Variants in PHF14 observed in about 807,000 individuals in gnomAD.
PHF14 encodes the protein PHD finger protein 14.
Under a neutral mutation model 117.9 loss-of-function variants are expected in PHF14, and 55 were observed. That is an observed-to-expected ratio of 0.47 (90% CI 0.38 to 0.58). PHF14 has a LOEUF of 0.58. Ranked by LOEUF, PHF14 falls within the 20% of genes least tolerant of loss-of-function variation. PHF14 has a pLI of 0.00. For synonymous variants in PHF14, 409 were observed against 368.6 expected (o/e 1.11, Z -1.26); for missense variants, 978 against 1,122.2 (o/e 0.87, Z 1.84).
intron 16 of PHF14, among the ~76,000 whole-genome samples, chr7:11,084,920 T>C (rs555957962): frequency 1.8e-4 from 27 of 152,306 alleles, no homozygotes; most frequent in African/African-American, 5.1e-4. Context: ...TTGGAGATTT[T>C]TTTTTCTTTT....
chr7:10,985,023 A>G (rs537367907), intron 3 of PHF14, among the ~76,000 whole-genome samples: 1 of 152,188 alleles, frequency 6.6e-6, no homozygotes, highest in South Asian at 2.1e-4. Flanking sequence ...TTTCCCCTCA[A>G]TTCTATTATT....
At chr7:11,006,915 C>A (rs1310494814) in intron 4 of PHF14, 1 of 475,868 alleles carries the variant, frequency 2.1e-6, no homozygotes, top group Non-Finnish European at 4.0e-6. Flanking sequence ...TGGCTCACAC[C>A]TTTAATCCCA....
At chr7:10,981,255 C>G (rs1036719004) in intron 2 of PHF14, among the ~76,000 whole-genome samples, 2 of 152,136 alleles carry the variant, frequency 1.3e-5, no homozygotes, top group Non-Finnish European at 2.9e-5. Context: ...TTTATCATTA[C>G]CTTTTTCTTG....
At chr7:11,069,734 G>A (rs747074799) in intron 16 of PHF14, among the ~76,000 whole-genome samples, 4 of 146,620 alleles carry the variant, frequency 2.7e-5, no homozygotes, top group Non-Finnish European at 4.5e-5. Context: ...TGGTTGGTTG[G>A]TTGTTGCCCA....
chr7:11,163,101 A>C (rs1307528921), intron 17 of PHF14, among the ~76,000 whole-genome samples: 3 of 152,134 alleles, frequency 2.0e-5, no homozygotes, highest in Non-Finnish European at 4.4e-5. Context: ...ATAAAGGGAG[A>C]TCTCTTTGAT....
intron 16 of PHF14, among the ~76,000 whole-genome samples, chr7:11,094,943 TAGA>T (rs1451845189): frequency 2.0e-5 from 3 of 152,150 alleles, no homozygotes; most frequent in African/African-American, 7.2e-5. Context: ...CTTGCTAGGA[TAGA>T]AGGAGTGTTA....
At chr7:11,055,274 A>G (rs983996842) in intron 14 of PHF14, among the ~76,000 whole-genome samples, 5 of 152,196 alleles carry the variant, frequency 3.3e-5, no homozygotes, top group Admixed American at 6.5e-5. Flanking sequence ...ATACTTGTGG[A>G]CATATTTTCT....
At chr7:11,097,451 G>A (rs778089918) in intron 16 of PHF14, among the ~76,000 whole-genome samples, 85 of 151,948 alleles carry the variant, frequency 5.6e-4, no homozygotes, top group Non-Finnish European at 1.0e-3. Context: ...TTATGACTAG[G>A]GATCACCATT....
At chr7:11,027,428 C>A (rs770734377) in intron 6 of PHF14, among the ~76,000 whole-genome samples, 4 of 151,962 alleles carry the variant, frequency 2.6e-5, no homozygotes, top group Non-Finnish European at 5.9e-5. Context: ...CTTTAATTGT[C>A]CATTGTCAGT....
chr7:11,098,099 A>G (rs540801106), intron 16 of PHF14, among the ~76,000 whole-genome samples: 14 of 152,196 alleles, frequency 9.2e-5, no homozygotes, highest in African/African-American at 3.4e-4. Context: ...ATAAAAATTT[A>G]TATACAAAAA....
intron 17 of PHF14, among the ~76,000 whole-genome samples, chr7:11,120,311 T>A (rs1787713953): frequency 6.6e-6 from 1 of 151,950 alleles, no homozygotes; most frequent in Non-Finnish European, 1.5e-5. Context: ...TACTGGGAAG[T>A]ATAGAGGTGC....
intron 13 of PHF14, among the ~76,000 whole-genome samples, chr7:11,050,088 G>A (rs965831791): frequency 6.6e-6 from 1 of 152,066 alleles, no homozygotes; most frequent in African/African-American, 2.4e-5. Flanking sequence ...TAATATGTTT[G>A]CATTAACAAA....
chr7:11,116,992 T>C (rs749279875), intron 17 of PHF14, among the ~76,000 whole-genome samples: 6 of 151,944 alleles, frequency 3.9e-5, no homozygotes, highest in Non-Finnish European at 8.8e-5. Context: ...TTCAGTCTTT[T>C]CCAGGATATT....
At chr7:11,093,901 G>A (rs918548194) in intron 16 of PHF14, among the ~76,000 whole-genome samples, 2 of 152,126 alleles carry the variant, frequency 1.3e-5, no homozygotes, top group Non-Finnish European at 2.9e-5. Context: ...GCCCAGAAAT[G>A]TTTCCTGTCA....
intron 2 of PHF14, among the ~76,000 whole-genome samples, chr7:10,977,064 G>A (rs745769949): frequency 1.3e-5 from 2 of 151,494 alleles, no homozygotes; most frequent in Non-Finnish European, 2.9e-5. Flanking sequence ...TGAGATATTC[G>A]CTTACTCTAG....
intron 4 of PHF14, among the ~76,000 whole-genome samples, chr7:11,008,672 G>A (rs1474676085): frequency 1.3e-5 from 2 of 152,062 alleles, no homozygotes; most frequent in African/African-American, 4.8e-5. Flanking sequence ...CAATGCTTTG[G>A]GATATATTTC....
chr7:11,073,048 T>C (rs1437111660), intron 16 of PHF14, among the ~76,000 whole-genome samples: 1 of 152,216 alleles, frequency 6.6e-6, no homozygotes, highest in African/African-American at 2.4e-5. Context: ...CAGCATGTTA[T>C]TTGAATGGGA....
rs1349665343 is a variant in PHF14, at chr7:10,998,724, C to T, written c.1045+7877C>T. Among the ~76,000 whole-genome samples, 3 of 152,138 alleles carry T rather than the reference C, an allele frequency of 2.0e-5. No homozygotes were observed. The East Asian group carries it at 5.8e-4, about 29-fold the overall frequency. ...ATCACTGATGATCACAAACATGTTACTGCTGCTTATATCCATGAATGTCAT... is the reference window on the plus strand; with the variant it reads ...ATCACTGATGATCACAAACATGTTATTGCTGCTTATATCCATGAATGTCAT... On this transcript the variant is annotated intron_variant, in intron 4 of 17. Transcript: ENST00000634607.
At chr7:11,008,799 G>A (rs1783226649) in intron 4 of PHF14, among the ~76,000 whole-genome samples, 1 of 152,112 alleles carries the variant, frequency 6.6e-6, no homozygotes, top group Non-Finnish European at 1.5e-5. Flanking sequence ...ACTTTGGGAG[G>A]CTGAGGTGGG....
Sources: gnomAD v4.1 joint callset for allele counts (sites outside exome capture counted in the v4.1 genomes callset) on GRCh38, gnomAD v4.1.1 for gene constraint, MANE v1.5 for transcripts, NCBI Gene and HGNC (gene_info 2026-07-23, HGNC 2026-07-21) for gene names.